The following KLHL29 variants were observed in gnomAD, a reference collection of about 807,000 sequenced individuals.
KLHL29 encodes kelch like family member 29, also known as kelch-like protein 29.
A neutral mutation model predicts 80.4 loss-of-function variants in KLHL29; 21 were observed. The ratio of observed to expected loss-of-function variants is 0.26; its 90% CI spans 0.19 to 0.38. The LOEUF (loss-of-function observed/expected upper bound fraction) is 0.38. KLHL29 is among the 10% of genes least tolerant of loss of function. The probability of loss-of-function intolerance (pLI) is 1.00; values close to 1 mark genes in which losing one functional copy is unlikely to be tolerated. For missense variants in KLHL29, 867 were observed against 1,223.9 expected (o/e 0.71, Z 4.35); for synonymous variants, 511 against 526.8 (o/e 0.97, Z 0.41).
At chr2:23,484,796 C>T (rs1664885289) in intron 2 of KLHL29, among the ~76,000 whole-genome samples, 1 of 152,208 alleles carries the variant, frequency 6.6e-6, no homozygotes, top group Non-Finnish European at 1.5e-5. Context: ...GGAAATCTGG[C>T]CTGCACCAGT....
intron 1 of KLHL29, among the ~76,000 whole-genome samples, chr2:23,400,345 T>C (rs1314292574): frequency 2.0e-5 from 3 of 152,192 alleles, no homozygotes; most frequent in African/African-American, 7.2e-5. Context: ...AGATGCTCTT[T>C]AGCCACATTA....
chr2:23,398,997 A>G (rs1476087054), intron 1 of KLHL29, among the ~76,000 whole-genome samples: 2 of 152,230 alleles, frequency 1.3e-5, no homozygotes, highest in Non-Finnish European at 2.9e-5. Context: ...GATGGCAAGC[A>G]TGTAGTATTT....
chr2:23,400,405 G>A (rs1666571269), intron 1 of KLHL29, among the ~76,000 whole-genome samples: 1 of 152,200 alleles, frequency 6.6e-6, no homozygotes, highest in African/African-American at 2.4e-5. Flanking sequence ...TCTTTCCAGT[G>A]ACTTGGCTCT....
intron 1 of KLHL29, among the ~76,000 whole-genome samples, chr2:23,387,733 G>A (rs1259171607): frequency 6.6e-6 from 1 of 152,134 alleles, no homozygotes; most frequent in Non-Finnish European, 1.5e-5. Flanking sequence ...ATGGAGCTGT[G>A]TGCTACTGAT....
At chr2:23,481,416 A>G (rs1664794544) in intron 2 of KLHL29, among the ~76,000 whole-genome samples, 1 of 152,252 alleles carries the variant, frequency 6.6e-6, no homozygotes, top group Non-Finnish European at 1.5e-5. Flanking sequence ...GAACTTAGCA[A>G]AGTGAAAACA....
intron 5 of KLHL29, among the ~76,000 whole-genome samples, chr2:23,655,548 G>T (rs1670221774): frequency 6.6e-6 from 1 of 152,126 alleles, no homozygotes. Context: ...TGCCTGGCCA[G>T]CCATTCTTGT....
chr2:23,618,312 C>G (rs1052135086), intron 3 of KLHL29, among the ~76,000 whole-genome samples: 3 of 152,032 alleles, frequency 2.0e-5, no homozygotes, highest in African/African-American at 7.3e-5. Flanking sequence ...CACAAGGTGC[C>G]CAGGTATTTG....
chr2:23,546,835 G>A (rs796836307), intron 2 of KLHL29, among the ~76,000 whole-genome samples: 2 of 152,226 alleles, frequency 1.3e-5, no homozygotes, highest in Non-Finnish European at 2.9e-5. Flanking sequence ...AAAGGCTCCC[G>A]GGGATATCTG....
Position 23,525,108 on chromosome 2 carries a change from G to C in KLHL29, c.-45-37044G>C, listed in dbSNP as rs977211550. Among the ~76,000 whole-genome samples the C allele has an allele frequency of 5.9e-5, 9 of 152,240 alleles. No homozygotes were observed. In the East Asian group the frequency reaches 1.3e-3, roughly 23 times the overall value. On this transcript the variant is annotated intron_variant, in intron 2 of 13. Transcript: ENST00000486442. ...CAGGTGCAGCTATGGCACTGATGCTGGGAGGGGAGGCCAAATGCCTGACTT... is the reference window on the plus strand; with the variant it reads ...CAGGTGCAGCTATGGCACTGATGCTCGGAGGGGAGGCCAAATGCCTGACTT...
Position 23,457,516 on chromosome 2 carries a change from C to T in KLHL29, c.-153-18044C>T, listed in dbSNP as rs531219995. Among the ~76,000 whole-genome samples, 3 of 152,318 alleles carry T rather than the reference C, an allele frequency of 2.0e-5. No individual in the cohort carries two copies. Among genetic ancestry groups the T allele is most frequent in the East Asian group, 3.9e-4 (2 of 5,176 alleles). On this transcript the variant is annotated intron_variant, in intron 1 of 13. Transcript: ENST00000486442. The surrounding 1 kb of genome is among the most constrained non-coding windows in gnomAD (Gnocchi z 4.3). ...TGGCCCCATGGATCACCCCTCAACC[C>T]GTCACCTTGTGTTCCCCGAGGTGGG...
intron 3 of KLHL29, among the ~76,000 whole-genome samples, chr2:23,568,096 T>C (rs1225255868): frequency 6.6e-6 from 1 of 152,148 alleles, no homozygotes; most frequent in African/African-American, 2.4e-5. Context: ...AGCCTGCAGT[T>C]TGGGCTGAGT....
intron 1 of KLHL29, among the ~76,000 whole-genome samples, chr2:23,465,500 C>T (rs1009505082): frequency 2.6e-5 from 4 of 152,176 alleles, no homozygotes; most frequent in Non-Finnish European, 4.4e-5. Flanking sequence ...CTCGCCTCAT[C>T]GTGAGACAAT....
intron 1 of KLHL29, among the ~76,000 whole-genome samples, chr2:23,435,493 G>A (rs1447681453): frequency 6.6e-6 from 1 of 152,272 alleles, no homozygotes; most frequent in East Asian, 1.9e-4. Flanking sequence ...CAGTCATAGC[G>A]TGACAAAGAA....
At chr2:23,487,642 G>A (rs982627342) in intron 2 of KLHL29, among the ~76,000 whole-genome samples, 6 of 151,770 alleles carry the variant, frequency 4.0e-5, no homozygotes, top group Non-Finnish European at 7.4e-5. Flanking sequence ...GGCTAGAAGG[G>A]GTCCTCAGGG....
intron 2 of KLHL29, among the ~76,000 whole-genome samples, chr2:23,547,502 A>C (rs1667007186): frequency 6.6e-6 from 1 of 152,064 alleles, no homozygotes; most frequent in South Asian, 2.1e-4. Context: ...GTACCTGGGG[A>C]TTAAAAGAGC....
chr2:23,592,063 T>C (rs1668276333), intron 3 of KLHL29, among the ~76,000 whole-genome samples: 1 of 152,226 alleles, frequency 6.6e-6, no homozygotes, highest in East Asian at 1.9e-4. Context: ...AATGAGTGAA[T>C]GATGGGCTTT....
intron 2 of KLHL29, among the ~76,000 whole-genome samples, chr2:23,522,873 C>T (rs1374520839): frequency 1.3e-5 from 2 of 152,234 alleles, no homozygotes; most frequent in African/African-American, 4.8e-5. Flanking sequence ...AAGCCCAGCC[C>T]TGCAGAGGTG....
chr2:23,664,752 C>T (rs1670507770), intron 5 of KLHL29, among the ~76,000 whole-genome samples: 1 of 152,246 alleles, frequency 6.6e-6, no homozygotes, highest in Non-Finnish European at 1.5e-5. Context: ...GCCAGTCCTT[C>T]AAGACAGCAG....
At chr2:23,431,463 CCCGTT>C (rs985841576) in intron 1 of KLHL29, among the ~76,000 whole-genome samples, 1 of 152,260 alleles carries the variant, frequency 6.6e-6, no homozygotes, top group African/African-American at 2.4e-5. Context: ...TCTGCCGTCT[CCCGTT>C]CCGGGACTCC....
Sources: gnomAD v4.1 joint callset for allele counts (sites outside exome capture counted in the v4.1 genomes callset) on GRCh38, gnomAD v4.1.1 for gene constraint, Gnocchi (gnomAD v3.1) non-coding constraint, MANE v1.5 for transcripts, NCBI Gene and HGNC (gene_info 2026-07-23, HGNC 2026-07-21) for gene names.